CA13: variants seen among roughly 807,000 people sequenced by gnomAD.
The protein encoded by CA13 is carbonic anhydrase 13.
CA13 carries 21 observed loss-of-function variants against 31.5 expected under a neutral mutation model. The observed-to-expected ratio is 0.67, with a 90% confidence interval of 0.47 to 0.96. The LOEUF (loss-of-function observed/expected upper bound fraction) is 0.96. Ranked by LOEUF, CA13 falls within the 40% of genes least tolerant of loss-of-function variation. The pLI, the probability that CA13 is intolerant of heterozygous loss-of-function variation, is 0.00. For missense variants in CA13, 315 were observed against 318.9 expected (o/e 0.99, Z 0.09); for synonymous variants, 117 against 111.4 (o/e 1.05, Z -0.32).
chr8:85,251,901 T>A (rs1244595236), intron 2 of CA13, among the ~76,000 whole-genome samples: 5 of 152,332 alleles, frequency 3.3e-5, no homozygotes, highest in African/African-American at 7.2e-5. Flanking sequence ...TAACTCTGAA[T>A]TTTTTTCTTG....
rs1807715164 is a variant in CA13 at position 85,281,938 on chromosome 8, A to G, written c.*589A>G. 1 of 152,228 alleles carries G rather than the reference A, an allele frequency of 6.6e-6. No homozygotes were observed. The allele number at this position is 152,228 out of a possible 1,614,324, so 9.4% of individuals were successfully genotyped here. On this transcript the variant is annotated 3_prime_UTR_variant, in exon 7 of 7. Coordinates refer to ENST00000321764, the MANE Select transcript of CA13 (RefSeq NM_198584.3). ...TGTCTACTTCAACCTGTGTGAAAAT[A>G]TAGTTAACATTGCAAACTTTAGAAT...
Position 85,257,649 on chromosome 8 carries a change from G to T in CA13, c.236-1772G>T, listed in dbSNP as rs542536472. ...GGAGGCTGATGTGGGAGGATTAATT[G>T]AGGCTGCAAGTTTGAGCCCCACTGT... On this transcript the variant is annotated intron_variant, in intron 2 of 6. Transcript: ENST00000321764. Among the ~76,000 whole-genome samples, 9 of 151,020 alleles carry T rather than the reference G, an allele frequency of 6.0e-5. No homozygotes were observed. The South Asian group carries it at 1.9e-3, about 31-fold the overall frequency.
intron 2 of CA13, among the ~76,000 whole-genome samples, chr8:85,255,412 G>A (rs1564000653): frequency 6.6e-6 from 1 of 152,058 alleles, no homozygotes; most frequent in Non-Finnish European, 1.5e-5. Flanking sequence ...ACAGGCGCAC[G>A]TCACCATGCC....
chr8:85,260,388 G>A (rs1845892), intron 3 of CA13, among the ~76,000 whole-genome samples: 93,155 of 152,036 alleles, frequency 0.61, 29,051 homozygotes, highest in Non-Finnish European at 0.65. Flanking sequence ...CGCCTAGGCA[G>A]GACAGAGCTA....
chr8:85,259,489 G>A lies in CA13; in HGVS notation c.304G>A (p.Asp102Asn), dbSNP rs556041846. The A allele has an allele frequency of 1.9e-6, 3 of 1,614,040 alleles. No individual in the cohort carries two copies. The highest frequency in any genetic ancestry group is 2.2e-5 in the South Asian group (2 of 91,082). ...RQVHLHWGSA[D>N]DHGSEHIVDG... The stretch of plus-strand genomic sequence containing the variant: ...GGTTCACCTTCACTGGGGGTCCGCT[G>A]ATGACCACGGCTCCGAGCACATAGT... Residue 102 changes from aspartate to asparagine, a missense_variant, in exon 3 of 7, where the codon GAT (aspartate) becomes AAT (asparagine). Asp to Asn is a conservative substitution (Grantham distance 23, BLOSUM62 1). Transcript: ENST00000321764.
At chr8:85,278,302 C>T (rs1339078072) in intron 6 of CA13, among the ~76,000 whole-genome samples, 1 of 146,732 alleles carries the variant, frequency 6.8e-6, no homozygotes, top group Non-Finnish European at 1.5e-5. Context: ...AATCCTTGGG[C>T]CTTATTAGAA....
In CA13 at chr8:85,245,746, G is replaced by A. The variant is rs1273452769; in HGVS notation, c.-83G>A. ...GGCGCCCCGCGGTCCCGCCCTAGCA[G>A]GCTCCTTCCCGGGCCCCTCCCCGCT... On this transcript the variant is annotated 5_prime_UTR_variant, in exon 1 of 7. Coordinates refer to ENST00000321764, the MANE Select transcript of CA13 (RefSeq NM_198584.3). 6.6e-7 allele frequency: 1 copy of A among 1,524,970 alleles called. No homozygotes were observed. Among genetic ancestry groups the A allele is most frequent in the Non-Finnish European group, 9.1e-7 (1 of 1,100,988 alleles). 94.5% of individuals were successfully genotyped at this position (1,524,970 alleles called of 1,614,324 possible).
chr8:85,259,440 C>A lies in CA13; in HGVS notation c.255C>A (p.Leu85=). 16 of 1,613,992 alleles carry A rather than the reference C, an allele frequency of 9.9e-6. No homozygotes were observed. Among genetic ancestry groups the A allele is most frequent in the Non-Finnish European group, 1.3e-5 (15 of 1,179,922 alleles). Residue 85 remains leucine, a synonymous_variant, in exon 3 of 7, where the codon CTC becomes CTA. Transcript: ENST00000321764. ...GTTTAGTTCTGCGTGGTGGTCCTCTCACTGGAAGCTACAGGTTACGGCAGG... is the reference window on the plus strand; with the variant it reads ...GTTTAGTTCTGCGTGGTGGTCCTCTAACTGGAAGCTACAGGTTACGGCAGG... ...ENKSVLRGGP[L]TGSYRLRQVH...
chr8:85,250,905 A>T lies in CA13; in HGVS notation c.203A>T (p.Asn68Ile). Residue 68 changes from asparagine (N) to isoleucine (I), a missense_variant, in exon 2 of 7, where the codon AAT becomes ATT. Physicochemically the swap from Asn to Ile is moderately radical, Grantham distance 149. Transcript: ENST00000321764. ...KIISNSGHSF[N>I]VDFDDTENKS... ...ATCAGCAACAGCGGCCATTCCTTCAATGTTGACTTTGATGACACAGAGAAC... is the reference window on the plus strand; with the variant it reads ...ATCAGCAACAGCGGCCATTCCTTCATTGTTGACTTTGATGACACAGAGAAC... 6.2e-7 allele frequency: 1 copy of T among 1,613,908 alleles called. No individual in the cohort carries two copies. The highest frequency in any genetic ancestry group is 8.5e-7 in the Non-Finnish European group (1 of 1,179,982).
chr8:85,279,792 T>C (rs754684815), intron 6 of CA13, among the ~76,000 whole-genome samples: 9 of 152,196 alleles, frequency 5.9e-5, no homozygotes, highest in Non-Finnish European at 1.2e-4. Flanking sequence ...TGGATTGTTA[T>C]GATCTGCAGA....
intron 3 of CA13, among the ~76,000 whole-genome samples, chr8:85,265,706 A>T (rs1807446823): frequency 6.6e-6 from 1 of 152,234 alleles, no homozygotes; most frequent in Non-Finnish European, 1.5e-5. Context: ...TATGTGCGAG[A>T]TGACAAATAT....
intron 2 of CA13, among the ~76,000 whole-genome samples, chr8:85,254,510 T>C (rs898595698): frequency 6.6e-6 from 1 of 152,182 alleles, no homozygotes; most frequent in African/African-American, 2.4e-5. Flanking sequence ...TCAATTTATG[T>C]TTCCAGATTT....
intron 6 of CA13, among the ~76,000 whole-genome samples, chr8:85,277,323 A>G (rs1807627089): frequency 6.6e-6 from 1 of 151,710 alleles, no homozygotes; most frequent in Admixed American, 6.6e-5. Flanking sequence ...AGGAGCGAAC[A>G]ACTCCAGACA....
chr8:85,270,549 A>G (rs1223200655), intron 6 of CA13, among the ~76,000 whole-genome samples: 1 of 152,104 alleles, frequency 6.6e-6, no homozygotes, highest in African/African-American at 2.4e-5. Context: ...AAGGGAATTC[A>G]TTTTTCTCCC....
chr8:85,275,984 C>T lies in CA13; in HGVS notation c.670-5246C>T, dbSNP rs920930432. ...GCGGCACTTGAGGAGCCCTTCAGCC[C>T]GCCGCTGCACTGTGGGGGCCCCTTT... On this transcript the variant is annotated intron_variant, in intron 6 of 6. Transcript: ENST00000321764. Among the ~76,000 whole-genome samples, 9 of 152,330 alleles carry T rather than the reference C, an allele frequency of 5.9e-5. No individual in the cohort carries two copies. In the South Asian group the frequency reaches 1.4e-3, roughly 25 times the overall value.
rs950874240 is a variant in CA13 at position 85,276,121 on chromosome 8, C to T, written c.670-5109C>T. On this transcript the variant is annotated intron_variant, in intron 6 of 6. Transcript: ENST00000321764. ...GGTGCTTGCGGGCCAGCACGAGTTC[C>T]GGGTGGGCGTGGGCTCGGTGGGTCC... 3.3e-5 allele frequency among the ~76,000 whole-genome samples: 5 copies of T among 151,322 alleles called. No homozygotes were observed. In the East Asian group the frequency reaches 5.8e-4, roughly 18 times the overall value.
chr8:85,255,107 T>C (rs1161743223), intron 2 of CA13, among the ~76,000 whole-genome samples: 1 of 151,802 alleles, frequency 6.6e-6, no homozygotes, highest in Non-Finnish European at 1.5e-5. Context: ...CTCCTCCTTC[T>C]TCTTCTCTCT....
intron 2 of CA13, among the ~76,000 whole-genome samples, chr8:85,257,505 C>G (rs372521437): frequency 5.3e-5 from 8 of 151,652 alleles, no homozygotes; most frequent in East Asian, 2.0e-4. Flanking sequence ...AGGATCACTT[C>G]AGACCAGGAG....
chr8:85,276,586 C>T (rs902169442), intron 6 of CA13, among the ~76,000 whole-genome samples: 1 of 152,174 alleles, frequency 6.6e-6, no homozygotes, highest in African/African-American at 2.4e-5. Context: ...TTTGTAAACA[C>T]ACCAATCAGC....
Sources: allele counts gnomAD v4.1 joint callset (sites outside exome capture counted in the v4.1 genomes callset), GRCh38; gene constraint gnomAD v4.1.1; transcripts MANE v1.5; gene names NCBI Gene and HGNC (gene_info 2026-07-23, HGNC 2026-07-21).